PPP2R2B: variants seen among roughly 807,000 people sequenced by gnomAD.
PPP2R2B encodes the protein serine/threonine-protein phosphatase 2A 55 kDa regulatory subunit B beta isoform.
A neutral mutation model predicts 46.0 loss-of-function variants in PPP2R2B; 5 were observed. That is an observed-to-expected ratio of 0.11 (90% confidence interval 0.06 to 0.23). PPP2R2B has a LOEUF of 0.23. Ranked by LOEUF, PPP2R2B falls within the 10% of genes least tolerant of loss-of-function variation. The pLI, the probability that PPP2R2B is intolerant of heterozygous loss-of-function variation, is 1.00. For missense variants in PPP2R2B, 367 were observed against 575.0 expected (o/e 0.64, Z 3.70); for synonymous variants, 215 against 206.7 (o/e 1.04, Z -0.34).
intron 2 of PPP2R2B, among the ~76,000 whole-genome samples, chr5:147,066,680 T>C (rs753243331): frequency 1.2e-4 from 18 of 152,184 alleles, no homozygotes; most frequent in Admixed American, 1.3e-4. Flanking sequence ...ATTAGACAAA[T>C]AAGAAAGATA....
At chr5:146,709,682 T>G (rs564780245) in intron 2 of PPP2R2B, among the ~76,000 whole-genome samples, 1 of 152,344 alleles carries the variant, frequency 6.6e-6, no homozygotes, top group East Asian at 1.9e-4. Flanking sequence ...GCAGCCATCA[T>G]GTGACCATGA....
chr5:146,840,969 A>G (rs558764455), intron 2 of PPP2R2B, among the ~76,000 whole-genome samples: 1 of 152,338 alleles, frequency 6.6e-6, no homozygotes, highest in East Asian at 1.9e-4. Flanking sequence ...ACAAATATGT[A>G]TTAAACATTA....
chr5:146,730,313 T>C (rs1561863412), intron 2 of PPP2R2B, among the ~76,000 whole-genome samples: 2 of 152,198 alleles, frequency 1.3e-5, no homozygotes, highest in Non-Finnish European at 2.9e-5. Context: ...TAGCTTGCTT[T>C]TGATTTTAAA....
intron 1 of PPP2R2B, among the ~76,000 whole-genome samples, chr5:146,982,627 G>T (rs1484794166): frequency 6.6e-6 from 1 of 152,116 alleles, no homozygotes; most frequent in Non-Finnish European, 1.5e-5. Flanking sequence ...GTTAAAAAGG[G>T]GTTGTCGAAG....
chr5:146,849,013 C>G (rs1436028009), intron 2 of PPP2R2B, among the ~76,000 whole-genome samples: 1 of 152,012 alleles, frequency 6.6e-6, no homozygotes, highest in Non-Finnish European at 1.5e-5. Flanking sequence ...TTTGACATAC[C>G]TCCATCAGTG....
At chr5:146,957,287 A>G (rs925693360) in intron 1 of PPP2R2B, among the ~76,000 whole-genome samples, 4 of 152,208 alleles carry the variant, frequency 2.6e-5, no homozygotes, top group African/African-American at 9.7e-5. Flanking sequence ...TCAGACTTAG[A>G]AATCTACATT....
intron 1 of PPP2R2B, among the ~76,000 whole-genome samples, chr5:146,884,428 C>T (rs947650959): frequency 7.2e-5 from 11 of 152,150 alleles, no homozygotes; most frequent in Non-Finnish European, 1.6e-4. Context: ...TTTTATAGGG[C>T]TCCTAGACCT....
intron 1 of PPP2R2B, chr5:146,919,489 C>A (rs1763515208): frequency 6.6e-6 from 1 of 152,184 alleles, no homozygotes; most frequent in African/African-American, 2.4e-5. Context: ...GATCAACATG[C>A]AAAAGAGAAA....
At chr5:146,852,963 A>C (rs1230884666) in intron 2 of PPP2R2B, among the ~76,000 whole-genome samples, 1 of 152,160 alleles carries the variant, frequency 6.6e-6, no homozygotes, top group Non-Finnish European at 1.5e-5. Flanking sequence ...AGATTCTTCA[A>C]AGGAATTGGA....
At chr5:146,642,554 G>T (rs564057384) in intron 6 of PPP2R2B, among the ~76,000 whole-genome samples, 101 of 152,262 alleles carry the variant, frequency 6.6e-4, no homozygotes, top group Admixed American at 3.0e-3. Context: ...AAATTTCCAA[G>T]TCTGTAAAAA....
intron 2 of PPP2R2B, among the ~76,000 whole-genome samples, chr5:146,836,581 C>T (rs1759296719): frequency 6.6e-6 from 1 of 152,150 alleles, no homozygotes; most frequent in Admixed American, 6.5e-5. Flanking sequence ...TGTGTCTGGA[C>T]TCACCTTTCA....
rs79594328 is a variant in PPP2R2B, at chr5:147,065,658, T to C, written c.50+15401A>G. On this transcript the variant is annotated intron_variant, in intron 2 of 10. Transcript: ENST00000394413. ...ATGGGGTTGGAGCGAGGTTGAGGGA[T>C]TGGAGATACTGACCTATTTAGAGAA... 4.0e-3 allele frequency among the ~76,000 whole-genome samples: 600 copies of C among 151,872 alleles called. 14 individuals are homozygous for C. In the East Asian group the frequency reaches 0.062, roughly 16 times the overall value.
intron 1 of PPP2R2B, among the ~76,000 whole-genome samples, chr5:147,005,261 G>A (rs892779525): frequency 6.6e-6 from 1 of 152,182 alleles, no homozygotes; most frequent in African/African-American, 2.4e-5. Flanking sequence ...TTCATTTGTG[G>A]AGAATGGGAT....
At chr5:146,845,587 G>A (rs762697207) in intron 2 of PPP2R2B, among the ~76,000 whole-genome samples, 3 of 152,014 alleles carry the variant, frequency 2.0e-5, no homozygotes, top group Non-Finnish European at 4.4e-5. Context: ...TTTTATTCAT[G>A]TCTCCTCCAT....
rs1771654109 is a variant in PPP2R2B at position 146,600,302 on chromosome 5, C to T, written c.949G>A (p.Glu317Lys). 10 of 1,613,508 alleles carry T rather than the reference C, an allele frequency of 6.2e-6. No individual in the cohort carries two copies. The highest frequency in any genetic ancestry group is 1.3e-5 in the African/African-American group (1 of 74,848). The change falls in exon 8 of 10, where the codon GAG becomes AAG. Residue 317 changes from glutamate to lysine, a missense_variant. Glu to Lys is a moderately conservative substitution (Grantham distance 56). Around this residue, in one of 2 missense-constraint regions of PPP2R2B, gnomAD observed 361 missense variants for 545.5 expected, o/e 0.66. Coordinates refer to ENST00000394411, the MANE Select transcript of PPP2R2B (RefSeq NM_181675.4). ...WDLNMENRPI[E>K]TYQVHDYLRS... ...CTGGGGTTCTATACCTGGTAAGTCT[C>T]GATGGGGCGGTTTTCCATGTTGAGA...
At chr5:146,820,541 C>A (rs150419715) in intron 2 of PPP2R2B, among the ~76,000 whole-genome samples, 1 of 152,202 alleles carries the variant, frequency 6.6e-6, no homozygotes, top group African/African-American at 2.4e-5. Flanking sequence ...TATAAAAGAG[C>A]AATGTGATCA....
chr5:147,059,685 G>A (rs570972448), upstream of PPP2R2B, among the ~76,000 whole-genome samples: 3 of 152,178 alleles, frequency 2.0e-5, no homozygotes, highest in African/African-American at 2.4e-5. Context: ...GATGATTTCC[G>A]CATGTCAGGT....
Position 146,934,583 on chromosome 5 carries a change from G to GAAAAA in PPP2R2B, c.79+121077_79+121081dup, listed in dbSNP as rs3062352. 6.3e-3 allele frequency among the ~76,000 whole-genome samples: 197 copies of GAAAAA among 31,458 alleles called. 2 individuals are homozygous for GAAAAA. The highest frequency in any genetic ancestry group is 0.01 in the African/African-American group (91 of 8,960). The allele number at this position is 31,458 out of a possible 152,430, so 20.6% of individuals were successfully genotyped here. ...AGTTAGAAGAGGTAGTTTTTCATAAGAAAAAAAAAAAAAAAAAAAAAAAAA... is the reference window on the plus strand; with the variant it reads ...AGTTAGAAGAGGTAGTTTTTCATAAGAAAAAAAAAAAAAAAAAAAAAAAAAAAAAA... On this transcript the variant is annotated intron_variant, in intron 1 of 8. Coordinates refer to the PPP2R2B transcript ENST00000336640.
At chr5:147,051,822 G>C (rs1264026569) in intron 1 of PPP2R2B, among the ~76,000 whole-genome samples, 7 of 130,786 alleles carry the variant, frequency 5.4e-5, no homozygotes, top group Non-Finnish European at 1.1e-4. Context: ...GAGTGCAGTA[G>C]TGTGATCTCG....
Sources: gnomAD v4.1 joint callset for allele counts (sites outside exome capture counted in the v4.1 genomes callset) on GRCh38, gnomAD v4.1.1 for gene constraint, gnomAD v4.1.1 regional missense constraint, MANE v1.5 for transcripts, NCBI Gene and HGNC (gene_info 2026-07-23, HGNC 2026-07-21) for gene names.